Variants in ADGRB3 observed in about 807,000 individuals in gnomAD.
The protein encoded by ADGRB3 is adhesion G protein-coupled receptor B3.
ADGRB3 carries 37 observed loss-of-function variants against 193.4 expected under a neutral mutation model. That is an observed-to-expected ratio of 0.19 (90% CI 0.15 to 0.25). The LOEUF (loss-of-function observed/expected upper bound fraction) is 0.25. Ranked by LOEUF, ADGRB3 falls within the 10% of genes least tolerant of loss-of-function variation. ADGRB3 has a pLI of 1.00. For synonymous variants in ADGRB3, 690 were observed against 644.2 expected, an observed-to-expected ratio of 1.07 and a Z score of -1.08; for missense variants, 1,637 against 1,852.9, an observed-to-expected ratio of 0.88 and a Z score of 2.14.
At chr6:69,229,950 A>C (rs1283752578) in intron 17 of ADGRB3, among the ~76,000 whole-genome samples, 2 of 152,128 alleles carry the variant, frequency 1.3e-5, no homozygotes, top group Admixed American at 1.3e-4. Context: ...TGTACTTTTG[A>C]ATACTTGGGA....
intron 24 of ADGRB3, 132 bp from the exon 25 acceptor site, chr6:69,338,784 C>G (rs1022501622): frequency 1.3e-6 from 1 of 747,862 alleles, no homozygotes; most frequent in Non-Finnish European, 2.3e-6. Flanking sequence ...TTACAACAAC[C>G]TAGAGCATAC....
chr6:69,365,247 T>C (rs1186648769), intron 29 of ADGRB3, among the ~76,000 whole-genome samples: 1 of 152,000 alleles, frequency 6.6e-6, no homozygotes, highest in Non-Finnish European at 1.5e-5. Context: ...GGTGAGAGAG[T>C]AGAGGTTGAG....
At chr6:69,157,080 G>A (rs191618744) in intron 17 of ADGRB3, among the ~76,000 whole-genome samples, 19 of 152,096 alleles carry the variant, frequency 1.2e-4, no homozygotes, top group East Asian at 3.9e-4. Context: ...TACCATTCAC[G>A]CCTTACTGGC....
At chr6:68,751,679 A>T (rs1453414999) in intron 3 of ADGRB3, among the ~76,000 whole-genome samples, 2 of 152,194 alleles carry the variant, frequency 1.3e-5, no homozygotes, top group East Asian at 1.9e-4. Context: ...ATTTTTAAAA[A>T]TCCGTATACT....
chr6:69,234,799 C>A (rs1423081244), intron 18 of ADGRB3, among the ~76,000 whole-genome samples: 1 of 152,002 alleles, frequency 6.6e-6, no homozygotes, highest in East Asian at 1.9e-4. Flanking sequence ...CATAGCCCAC[C>A]ATTTAAAACT....
chr6:68,802,474 G>A (rs1767331475), intron 3 of ADGRB3, among the ~76,000 whole-genome samples: 1 of 152,100 alleles, frequency 6.6e-6, no homozygotes, highest in African/African-American at 2.4e-5. Context: ...GACTACACCT[G>A]CTTAGAGAAT....
intron 3 of ADGRB3, among the ~76,000 whole-genome samples, chr6:68,642,431 C>A (rs1476468022): frequency 1.3e-5 from 2 of 152,056 alleles, no homozygotes; most frequent in South Asian, 2.1e-4. Context: ...TATGCTAGAA[C>A]CTTCTTTAAT....
intron 8 of ADGRB3, among the ~76,000 whole-genome samples, chr6:68,972,354 C>T (rs1171881820): frequency 9.2e-5 from 14 of 152,210 alleles, no homozygotes; most frequent in Admixed American, 9.2e-4. Flanking sequence ...CTCAGCACAG[C>T]TCTCCTGCCC....
chr6:69,232,289 T>C lies in ADGRB3; in HGVS notation c.2481-1001T>C, dbSNP rs763767726. ...ATAGCATTTTTTTTTTTTCTTTTTCTCTCTTCCTGTAGTGTAGTTCTGCTG... is the reference window on the plus strand; with the variant it reads ...ATAGCATTTTTTTTTTTTCTTTTTCCCTCTTCCTGTAGTGTAGTTCTGCTG... On this transcript the variant is annotated intron_variant, in intron 17 of 31. Coordinates refer to ENST00000370598, the MANE Select transcript of ADGRB3 (RefSeq NM_001704.3). 5.2e-4 allele frequency: 345 copies of C among 657,560 alleles called. 1 individual carries two copies. Among genetic ancestry groups the C allele is most frequent in the Non-Finnish European group, 4.1e-4 (183 of 448,590 alleles). 40.7% of individuals were successfully genotyped at this position (657,560 alleles called of 1,614,324 possible).
chr6:68,914,123 G>T (rs992946445), intron 3 of ADGRB3, among the ~76,000 whole-genome samples: 2 of 151,798 alleles, frequency 1.3e-5, no homozygotes, highest in Admixed American at 6.6e-5. Flanking sequence ...CACTCTGCAG[G>T]ATATTATCCA....
intron 13 of ADGRB3, among the ~76,000 whole-genome samples, chr6:69,022,828 G>A (rs967682733): frequency 1.3e-5 from 2 of 151,958 alleles, no homozygotes; most frequent in African/African-American, 4.8e-5. Flanking sequence ...AATACAAAAT[G>A]GAGTGTATGA....
chr6:69,113,828 A>G (rs1285926082), intron 17 of ADGRB3, among the ~76,000 whole-genome samples: 2 of 152,162 alleles, frequency 1.3e-5, no homozygotes, highest in African/African-American at 4.8e-5. Flanking sequence ...TAATTGAATG[A>G]CTATTACTTT....
At chr6:69,030,973 TTTC>T (rs1347499077) in intron 13 of ADGRB3, among the ~76,000 whole-genome samples, 3 of 130,402 alleles carry the variant, frequency 2.3e-5, no homozygotes, top group East Asian at 4.0e-4. Context: ...TTTCTTTTCT[TTTC>T]TTTTCTTTTC....
chr6:68,924,234 T>C (rs574425185), intron 3 of ADGRB3, among the ~76,000 whole-genome samples: 106 of 152,204 alleles, frequency 7.0e-4, no homozygotes, highest in African/African-American at 2.5e-3. Flanking sequence ...AATTCCTGCC[T>C]GATTACACAC....
intron 3 of ADGRB3, among the ~76,000 whole-genome samples, chr6:68,818,487 G>A (rs975323486): frequency 2.6e-5 from 4 of 151,994 alleles, no homozygotes; most frequent in Non-Finnish European, 5.9e-5. Flanking sequence ...ACAGCTTGGT[G>A]TGGTAAGAAA....
At chr6:68,746,204 A>C (rs1033147350) in intron 3 of ADGRB3, among the ~76,000 whole-genome samples, 1 of 151,984 alleles carries the variant, frequency 6.6e-6, no homozygotes, top group African/African-American at 2.4e-5. Flanking sequence ...TAAAAATTTT[A>C]AAATGTTTAC....
intron 30 of ADGRB3, among the ~76,000 whole-genome samples, chr6:69,374,031 G>A (rs1769761934): frequency 6.6e-6 from 1 of 151,954 alleles, no homozygotes; most frequent in Admixed American, 6.6e-5. Context: ...ATAAAACCAT[G>A]TTGTTAGTAA....
intron 29 of ADGRB3, among the ~76,000 whole-genome samples, chr6:69,366,755 G>A (rs1255244740): frequency 6.6e-6 from 1 of 152,086 alleles, no homozygotes; most frequent in Non-Finnish European, 1.5e-5. Flanking sequence ...GTATGCCCAA[G>A]CAAAGCAGCA....
chr6:69,201,487 G>A (rs762591717), intron 17 of ADGRB3, among the ~76,000 whole-genome samples: 7 of 150,886 alleles, frequency 4.6e-5, no homozygotes, highest in African/African-American at 7.3e-5. Flanking sequence ...AATTTTCTCT[G>A]CTTTCTTTGA....
Sources: gnomAD v4.1 joint callset for allele counts (sites outside exome capture counted in the v4.1 genomes callset) on GRCh38, gnomAD v4.1.1 for gene constraint, MANE v1.5 for transcripts, NCBI Gene and HGNC (gene_info 2026-07-23, HGNC 2026-07-21) for gene names.